Variants in PRKN observed in about 807,000 individuals in gnomAD.
PRKN encodes parkin RBR E3 ubiquitin protein ligase.
PRKN carries 56 observed loss-of-function variants against 59.5 expected under a neutral mutation model. The observed-to-expected ratio is 0.94, with a 90% confidence interval of 0.76 to 1.18. The LOEUF is 1.18. Among genes scored for constraint, PRKN ranks in the 50% most tolerant of loss-of-function variants. The pLI, the probability that PRKN is intolerant of heterozygous loss-of-function variation, is 0.00. For synonymous variants in PRKN, 250 were observed against 222.1 expected, an observed-to-expected ratio of 1.13 and a Z score of -1.12; for missense variants, 657 against 596.4, an observed-to-expected ratio of 1.10 and a Z score of -1.06.
rs1777856523 is a variant in PRKN, at chr6:162,056,175, C to T, written c.535-2001G>A. ...CGCACGCACACCAAAACACACCACA[C>T]ATGCATAAACACACCACATATGTAC... On this transcript the variant is annotated intron_variant, in intron 4 of 11. Coordinates refer to ENST00000366898, the MANE Select transcript of PRKN (RefSeq NM_004562.3). This position sits in a 1 kb window ranked among gnomAD's most constrained non-coding sequence, Gnocchi z 4.9. 6.6e-6 allele frequency among the ~76,000 whole-genome samples: 1 copy of T among 151,496 alleles called. No individual in the cohort carries two copies. The highest frequency in any genetic ancestry group is 1.5e-5 in the Non-Finnish European group (1 of 67,834).
intron 5 of PRKN, among the ~76,000 whole-genome samples, chr6:162,024,879 T>C (rs1046100770): frequency 6.6e-6 from 1 of 152,182 alleles, no homozygotes; most frequent in Non-Finnish European, 1.5e-5. Context: ...AAGTCCAGTG[T>C]TTCATTCCTT....
At chr6:162,515,833 T>C (rs1777829800) in intron 1 of PRKN, among the ~76,000 whole-genome samples, 2 of 152,178 alleles carry the variant, frequency 1.3e-5, no homozygotes, top group Admixed American at 6.5e-5. Flanking sequence ...AGTTCTTCTT[T>C]CTTCCTGAAA....
At chr6:162,648,657 C>A (rs1304036836) in intron 1 of PRKN, among the ~76,000 whole-genome samples, 2 of 152,198 alleles carry the variant, frequency 1.3e-5, no homozygotes, top group Non-Finnish European at 2.9e-5. Context: ...GCTGGGATTA[C>A]AGGCGTGAGC....
chr6:162,617,878 A>C (rs1291571761), intron 1 of PRKN, among the ~76,000 whole-genome samples: 1 of 152,128 alleles, frequency 6.6e-6, no homozygotes, highest in Non-Finnish European at 1.5e-5. Flanking sequence ...ATATTCAGGC[A>C]CTTTCCTAAG....
At chr6:162,421,525 G>A (rs1199104192) in intron 2 of PRKN, among the ~76,000 whole-genome samples, 2 of 151,916 alleles carry the variant, frequency 1.3e-5, no homozygotes, top group Non-Finnish European at 2.9e-5. Flanking sequence ...TCAATTTTTT[G>A]GTTTATTTGT....
chr6:161,977,115 A>C (rs1781062148), intron 5 of PRKN, among the ~76,000 whole-genome samples: 1 of 152,208 alleles, frequency 6.6e-6, no homozygotes, highest in African/African-American at 2.4e-5. Flanking sequence ...TTTTTGTTGT[A>C]GTACTAGAAT....
At chr6:162,039,333 C>T (rs553329568) in intron 5 of PRKN, among the ~76,000 whole-genome samples, 1 of 152,296 alleles carries the variant, frequency 6.6e-6, no homozygotes, top group East Asian at 1.9e-4. Context: ...TTCGGCCCCA[C>T]CAAGTCTTCT....
intron 9 of PRKN, among the ~76,000 whole-genome samples, chr6:161,501,956 A>G (rs1777980264): frequency 6.6e-6 from 1 of 152,216 alleles, no homozygotes; most frequent in Admixed American, 6.5e-5. Context: ...GGAAGATATA[A>G]CACTACGTTT....
At chr6:162,220,756 C>G (rs1394898628) in intron 3 of PRKN, among the ~76,000 whole-genome samples, 4 of 152,300 alleles carry the variant, frequency 2.6e-5, no homozygotes, top group African/African-American at 9.6e-5. Context: ...GAGGGGCAGG[C>G]AGCCGTCAGG....
intron 9 of PRKN, among the ~76,000 whole-genome samples, chr6:161,489,966 C>T (rs990908549): frequency 6.6e-6 from 1 of 152,214 alleles, no homozygotes; most frequent in Non-Finnish European, 1.5e-5. Flanking sequence ...GCTGGGCATC[C>T]AATTTCCACA....
intron 9 of PRKN, among the ~76,000 whole-genome samples, chr6:161,436,323 G>GTGGAGGCGGGATGGGAGGGCAGAGAGC (rs1788905960): frequency 2.2e-5 from 1 of 46,356 alleles, no homozygotes; most frequent in African/African-American, 5.4e-5. Flanking sequence ...GGGCAGAGAG[G>GTGGAGGCGGGATGGGAGGGCAGAGAGC]AGGAGGCGGG....
intron 4 of PRKN, among the ~76,000 whole-genome samples, chr6:162,118,405 CA>C (rs941614878): frequency 2.8e-4 from 39 of 137,456 alleles, no homozygotes; most frequent in East Asian, 4.2e-4. Flanking sequence ...GACTCCATCT[CA>C]AAAAAAAAAA....
Position 161,581,021 on chromosome 6 carries a change from G to A in PRKN, c.872-11605C>T, listed in dbSNP as rs1201427892. On this transcript the variant is annotated intron_variant, in intron 7 of 11. Coordinates refer to ENST00000366898, the MANE Select transcript of PRKN (RefSeq NM_004562.3). This position sits in a 1 kb window ranked among gnomAD's most constrained non-coding sequence, Gnocchi z 4.5. The stretch of plus-strand genomic sequence containing the variant: ...GTTTGAGACCAGCCTGGCCAACACA[G>A]TGAAATCCTGTCTCTACTAAACACA... 6.8e-6 allele frequency among the ~76,000 whole-genome samples: 1 copy of A among 146,864 alleles called. No homozygotes were observed. Among genetic ancestry groups the A allele is most frequent in the Admixed American group, 6.8e-5 (1 of 14,668 alleles).
intron 7 of PRKN, among the ~76,000 whole-genome samples, chr6:161,653,068 A>C (rs6912219): frequency 0.016 from 2,464 of 152,328 alleles, 14 homozygotes; most frequent in Middle Eastern, 0.034. Flanking sequence ...TATGTGCTAC[A>C]TAAGATACAA....
rs1051974731 is a variant in PRKN at position 162,563,220 on chromosome 6, C to T, written c.8-119747G>A. 7.2e-5 allele frequency among the ~76,000 whole-genome samples: 11 copies of T among 152,006 alleles called. No individual in the cohort carries two copies. In the South Asian group the frequency reaches 8.3e-4, roughly 11 times the overall value. ...TCGGGAGGCTGAGGCAGGAGAATGGCGTGAACCCAGGAGGCGGAGCTTGCA... is the reference window on the plus strand; with the variant it reads ...TCGGGAGGCTGAGGCAGGAGAATGGTGTGAACCCAGGAGGCGGAGCTTGCA... On this transcript the variant is annotated intron_variant, in intron 1 of 11. Coordinates refer to ENST00000366898, the MANE Select transcript of PRKN (RefSeq NM_004562.3).
intron 9 of PRKN, among the ~76,000 whole-genome samples, chr6:161,501,904 T>C (rs549740151): frequency 1.3e-5 from 2 of 152,192 alleles, no homozygotes; most frequent in South Asian, 4.1e-4. Flanking sequence ...CACCAAGATA[T>C]GAAGATATAA....
chr6:162,286,322 T>C (rs917924779), intron 2 of PRKN, among the ~76,000 whole-genome samples: 6 of 152,196 alleles, frequency 3.9e-5, no homozygotes, highest in Non-Finnish European at 7.3e-5. Flanking sequence ...CCTAAATCTT[T>C]ATAGCCGTGA....
intron 1 of PRKN, among the ~76,000 whole-genome samples, chr6:162,533,599 C>A (rs1212539898): frequency 6.6e-6 from 1 of 152,114 alleles, no homozygotes; most frequent in Non-Finnish European, 1.5e-5. Flanking sequence ...TGAAAACAGG[C>A]TGGCTTCAAA....
intron 4 of PRKN, among the ~76,000 whole-genome samples, chr6:162,091,918 T>C (rs1954927): frequency 0.69 from 104,676 of 151,764 alleles, 36,248 homozygotes; most frequent in East Asian, 0.86. Flanking sequence ...TGCCTGTAGT[T>C]CAAGCTAGTT....
Sources: gnomAD v4.1 joint callset for allele counts (sites outside exome capture counted in the v4.1 genomes callset) on GRCh38, gnomAD v4.1.1 for gene constraint, Gnocchi (gnomAD v3.1) non-coding constraint, MANE v1.5 for transcripts, NCBI Gene and HGNC (gene_info 2026-07-23, HGNC 2026-07-21) for gene names.